The following ACBD6 variants were observed in gnomAD, a reference collection of about 807,000 sequenced individuals.
The protein encoded by ACBD6 is acyl-CoA-binding domain-containing protein 6.
Under a neutral mutation model 37.2 loss-of-function variants are expected in ACBD6, and 28 were observed. The observed-to-expected ratio is 0.75, with a 90% CI of 0.56 to 1.03. ACBD6 has a LOEUF of 1.03. Ranked by LOEUF, ACBD6 falls within the 50% of genes least tolerant of loss-of-function variation. ACBD6 has a pLI of 0.00. For missense variants in ACBD6, 340 were observed against 337.4 expected (o/e 1.01, Z -0.06); for synonymous variants, 113 against 126.8 (o/e 0.89, Z 0.73).
intron 6 of ACBD6, among the ~76,000 whole-genome samples, chr1:180,338,855 C>T (rs1651852692): frequency 6.6e-6 from 1 of 152,110 alleles, no homozygotes; most frequent in South Asian, 2.1e-4. Flanking sequence ...ACAACCCCAT[C>T]AAAAAGTGGG....
At chr1:180,406,297 T>C (rs1226036073) in intron 5 of ACBD6, among the ~76,000 whole-genome samples, 2 of 152,096 alleles carry the variant, frequency 1.3e-5, no homozygotes, top group Admixed American at 1.3e-4. Flanking sequence ...CCCTCCTTAA[T>C]CCAAAAGTCT....
At chr1:180,281,692 T>A (rs139506965) in intron 8 of ACBD6, among the ~76,000 whole-genome samples, 1 of 152,190 alleles carries the variant, frequency 6.6e-6, no homozygotes, top group African/African-American at 2.4e-5. Context: ...GGATGATTAT[T>A]TGTCTCATGA....
At chr1:180,289,092 C>T (rs1649604892) in intron 7 of ACBD6, among the ~76,000 whole-genome samples, 1 of 136,478 alleles carries the variant, frequency 7.3e-6, no homozygotes, top group Non-Finnish European at 1.6e-5. Flanking sequence ...GTTCAAGGTA[C>T]AGGAAGGGGA....
intron 1 of ACBD6, among the ~76,000 whole-genome samples, chr1:180,497,985 C>T (rs1376845717): frequency 1.3e-5 from 2 of 152,212 alleles, no homozygotes; most frequent in African/African-American, 4.8e-5. Flanking sequence ...ATTTTTCATA[C>T]TGTTAACACT....
At position 180,273,965 on chromosome 1, in the gene ACBD6, G is replaced by A. The variant is rs140716483; in HGVS notation, c.*1084C>T. 478 of 587,598 alleles carry A rather than the reference G, an allele frequency of 8.1e-4. 9 individuals are homozygous for A. In the East Asian group the frequency reaches 0.014, roughly 17 times the overall value. The allele number at this position is 587,598 out of a possible 1,614,324, so 36.4% of individuals were successfully genotyped here. ...ACATTTGTCCATCCTTCTGGGACCT[G>A]GGAATTTAGTCTTTGCAGGTGTTTC... On this transcript the variant is annotated 3_prime_UTR_variant, in exon 11 of 14. Transcript: ENST00000642319.
intron 6 of ACBD6, among the ~76,000 whole-genome samples, chr1:180,382,469 T>C (rs1160478392): frequency 6.6e-6 from 1 of 152,112 alleles, no homozygotes; most frequent in African/African-American, 2.4e-5. Flanking sequence ...AATGGGTAAC[T>C]TCCTGGACAA....
intron 6 of ACBD6, among the ~76,000 whole-genome samples, chr1:180,323,723 C>CT (rs986686520): frequency 6.6e-5 from 10 of 152,040 alleles, no homozygotes; most frequent in African/African-American, 1.9e-4. Context: ...TACTCCTGCT[C>CT]TTTTTTTGTT....
intron 3 of ACBD6, among the ~76,000 whole-genome samples, chr1:180,481,083 G>A (rs1322805746): frequency 6.6e-6 from 1 of 151,662 alleles, no homozygotes; most frequent in African/African-American, 2.4e-5. Flanking sequence ...GCACTACTGA[G>A]CATTCATGGC....
chr1:180,416,956 T>C (rs1169216714), intron 4 of ACBD6, among the ~76,000 whole-genome samples: 3 of 152,310 alleles, frequency 2.0e-5, no homozygotes, highest in Admixed American at 6.5e-5. Context: ...TTCAATTCAA[T>C]TCATGTATTT....
At chr1:180,365,731 G>A (rs1394287174) in intron 6 of ACBD6, among the ~76,000 whole-genome samples, 2 of 152,112 alleles carry the variant, frequency 1.3e-5, no homozygotes, top group Non-Finnish European at 2.9e-5. Flanking sequence ...ATTTTCTACT[G>A]ATGATATTTG....
intron 6 of ACBD6, among the ~76,000 whole-genome samples, chr1:180,326,926 T>A (rs546950575): frequency 6.6e-6 from 1 of 152,126 alleles, no homozygotes. Flanking sequence ...GTATCCAAGA[T>A]GTAAGACAAA....
intron 3 of ACBD6, chr1:180,435,381 T>G: frequency 2.5e-6 from 1 of 405,526 alleles, no homozygotes; most frequent in Non-Finnish European, 4.5e-6. Context: ...CCCAAGTAAC[T>G]GGGACTACAG....
At chr1:180,382,367 G>A (rs1228015637) in intron 6 of ACBD6, among the ~76,000 whole-genome samples, 1 of 151,852 alleles carries the variant, frequency 6.6e-6, no homozygotes, top group Non-Finnish European at 1.5e-5. Flanking sequence ...AAACGAAAAG[G>A]AGACATTGAA....
chr1:180,269,928 T>C (rs1648536523), exon 14 of ACBD6: 1 of 152,240 alleles, frequency 6.6e-6, no homozygotes, highest in South Asian at 2.1e-4. Context: ...TGGGCCACAG[T>C]AGTTCCGGGA....
chr1:180,287,365 AT>A (rs1649535960), downstream of ACBD6: 1 of 150,086 alleles, frequency 6.7e-6, no homozygotes, highest in Non-Finnish European at 1.5e-5. Context: ...AACCATGATC[AT>A]ACCACTGCAC....
intron 6 of ACBD6, among the ~76,000 whole-genome samples, chr1:180,334,635 C>G (rs986913407): frequency 6.6e-6 from 1 of 152,178 alleles, no homozygotes; most frequent in Non-Finnish European, 1.5e-5. Context: ...CAGCTCCTCA[C>G]CAGCAATGGA....
intron 6 of ACBD6, among the ~76,000 whole-genome samples, chr1:180,396,143 G>T (rs757087369): frequency 5.9e-5 from 9 of 152,136 alleles, no homozygotes; most frequent in Non-Finnish European, 1.2e-4. Context: ...GGGGCTGAGG[G>T]AATGGAGGAA....
At chr1:180,401,062 T>G (rs1345189751) in intron 5 of ACBD6, among the ~76,000 whole-genome samples, 1 of 152,240 alleles carries the variant, frequency 6.6e-6, no homozygotes, top group Non-Finnish European at 1.5e-5. Flanking sequence ...GTGACAATTC[T>G]TTGTTTCTAA....
intron 7 of ACBD6, among the ~76,000 whole-genome samples, chr1:180,296,712 T>C (rs1649933333): frequency 6.6e-6 from 1 of 151,146 alleles, no homozygotes; most frequent in Non-Finnish European, 1.5e-5. Flanking sequence ...ATTACAGGCA[T>C]GAGCCACCAT....
Sources: gnomAD v4.1 joint callset for allele counts (sites outside exome capture counted in the v4.1 genomes callset) on GRCh38, gnomAD v4.1.1 for gene constraint, MANE v1.5 for transcripts, NCBI Gene and HGNC (gene_info 2026-07-23, HGNC 2026-07-21) for gene names.